ERC2: variants seen among roughly 807,000 people sequenced by gnomAD.
The protein encoded by ERC2 is ELKS/RAB6-interacting/CAST family member 2.
Under a neutral mutation model 114.8 loss-of-function variants are expected in ERC2, and 42 were observed. The observed-to-expected ratio is 0.37, with a 90% CI of 0.29 to 0.47. The LOEUF is 0.47. Ranked by LOEUF, ERC2 falls within the 20% of genes least tolerant of loss-of-function variation. The probability of loss-of-function intolerance (pLI) is 0.99; values close to 1 mark genes in which losing one functional copy is unlikely to be tolerated. For missense variants in ERC2, 939 were observed against 1,150.7 expected, an observed-to-expected ratio of 0.82 and a Z score of 2.66; for synonymous variants, 454 against 425.5, an observed-to-expected ratio of 1.07 and a Z score of -0.82.
In ERC2 at chr3:56,309,604, A is replaced by T. The variant is rs77721117; in HGVS notation, c.658-13169T>A. On this transcript the variant is annotated intron_variant, in intron 2 of 17. Transcript: ENST00000288221. ...TTTGAATCCTGGATCTACCCATGAC[A>T]GCCTGTGATGCCTTGAACAAATTAC... Among the ~76,000 whole-genome samples, 1,393 of 152,330 alleles carry T rather than the reference A, an allele frequency of 9.1e-3. 20 individuals carry two copies. Among genetic ancestry groups the T allele is most frequent in the African/African-American group, 0.031 (1,270 of 41,570 alleles).
intron 14 of ERC2, among the ~76,000 whole-genome samples, chr3:55,822,555 T>C (rs551098475): frequency 4.5e-5 from 6 of 133,722 alleles, no homozygotes; most frequent in Non-Finnish European, 6.2e-5. Context: ...AAGAATTTTT[T>C]TTTCTTTTTT....
chr3:55,746,377 G>A (rs779954631), intron 14 of ERC2, among the ~76,000 whole-genome samples: 1 of 152,034 alleles, frequency 6.6e-6, no homozygotes, highest in African/African-American at 2.4e-5. Context: ...GAGATTACAG[G>A]CATGCACCAC....
intron 8 of ERC2, among the ~76,000 whole-genome samples, chr3:56,015,681 C>T (rs9844887): frequency 0.36 from 53,882 of 151,612 alleles, 10,784 homozygotes; most frequent in African/African-American, 0.53. Context: ...TATGCATGCA[C>T]CTTTATAATA....
chr3:56,153,938 A>G (rs2081562915), intron 4 of ERC2, among the ~76,000 whole-genome samples: 1 of 152,204 alleles, frequency 6.6e-6, no homozygotes, highest in African/African-American at 2.4e-5. Context: ...CAACAAACTT[A>G]GGGCCAATAT....
At chr3:55,601,689 G>A (rs768198710) in intron 17 of ERC2, among the ~76,000 whole-genome samples, 32 of 152,158 alleles carry the variant, frequency 2.1e-4, no homozygotes, top group Non-Finnish European at 3.8e-4. Context: ...CCGGGGAGCC[G>A]GGTGCGGTGG....
At chr3:55,695,660 T>C (rs1430482332) in intron 16 of ERC2, among the ~76,000 whole-genome samples, 1 of 152,196 alleles carries the variant, frequency 6.6e-6, no homozygotes, top group Non-Finnish European at 1.5e-5. Context: ...AGGAAATGAA[T>C]GGAAGAGGCA....
At chr3:56,148,373 C>A (rs2081253366) in intron 5 of ERC2, among the ~76,000 whole-genome samples, 1 of 152,102 alleles carries the variant, frequency 6.6e-6, no homozygotes, top group Non-Finnish European at 1.5e-5. Flanking sequence ...GCAACCTCTA[C>A]CTCCCAGGTT....
At chr3:55,595,210 T>C (rs1315198686) in intron 17 of ERC2, among the ~76,000 whole-genome samples, 9 of 152,240 alleles carry the variant, frequency 5.9e-5, no homozygotes, top group Non-Finnish European at 1.2e-4. Context: ...AGAGAGTTTA[T>C]TAATCCAAAA....
At chr3:55,948,597 G>A (rs2067282390) in intron 13 of ERC2, among the ~76,000 whole-genome samples, 1 of 152,090 alleles carries the variant, frequency 6.6e-6, no homozygotes, top group Admixed American at 6.6e-5. Flanking sequence ...TCCTTTATTT[G>A]GGGTGGTCAG....
At chr3:56,188,822 C>T (rs1017675421) in intron 3 of ERC2, among the ~76,000 whole-genome samples, 2 of 152,102 alleles carry the variant, frequency 1.3e-5, no homozygotes, top group East Asian at 1.9e-4. Context: ...GCCTCCGTGA[C>T]GCAGCTCTGA....
intron 17 of ERC2, among the ~76,000 whole-genome samples, chr3:55,676,494 T>G (rs1306086010): frequency 6.8e-6 from 1 of 147,832 alleles, no homozygotes; most frequent in Non-Finnish European, 1.5e-5. Flanking sequence ...CATTCAGCTT[T>G]TCATATCCCT....
chr3:56,254,934 C>A (rs752672071), intron 3 of ERC2, among the ~76,000 whole-genome samples: 1 of 152,076 alleles, frequency 6.6e-6, no homozygotes, highest in Non-Finnish European at 1.5e-5. Flanking sequence ...TAGCTAATTC[C>A]GGTGAAAAAT....
rs192868219 is a variant in ERC2, at chr3:56,291,346, G to A, written c.1074+4673C>T. On this transcript the variant is annotated intron_variant, in intron 3 of 17. Transcript: ENST00000288221. Reference sequence around the variant, plus strand: ...GGCTCACATTAGCACATCAGTTGGAGTTCCTGCGCAATGGTTTTGGTCTTC... The same window carrying A: ...GGCTCACATTAGCACATCAGTTGGAATTCCTGCGCAATGGTTTTGGTCTTC... 5.9e-5 allele frequency among the ~76,000 whole-genome samples: 9 copies of A among 152,314 alleles called. No individual in the cohort carries two copies. In the East Asian group the frequency reaches 1.7e-3, roughly 29 times the overall value.
At chr3:55,608,791 C>A (rs1243500736) in intron 17 of ERC2, among the ~76,000 whole-genome samples, 1 of 152,164 alleles carries the variant, frequency 6.6e-6, no homozygotes, top group Admixed American at 6.5e-5. Flanking sequence ...ATACGGCAAG[C>A]CAATTACCTC....
intron 3 of ERC2, among the ~76,000 whole-genome samples, chr3:56,219,911 A>T (rs544055041): frequency 8.6e-4 from 131 of 152,356 alleles, no homozygotes; most frequent in Non-Finnish European, 1.8e-3. Context: ...TGGCATTCAT[A>T]AAATACAGAT....
chr3:55,800,051 T>C (rs1394877179), intron 14 of ERC2, among the ~76,000 whole-genome samples: 6 of 152,138 alleles, frequency 3.9e-5, no homozygotes, highest in Non-Finnish European at 8.8e-5. Flanking sequence ...AAGATGGAAA[T>C]GTGATTACTA....
At position 56,408,734 on chromosome 3, in the gene ERC2, G is replaced by A. The variant is rs986976042; in HGVS notation, c.657+25617C>T. On this transcript the variant is annotated intron_variant, in intron 2 of 17. Transcript: ENST00000288221. ...AGAACTAAACGAGGTGGTAAGGTAA[G>A]GGCTGGCAGGCTCCTTCAGACAGCG... Among the ~76,000 whole-genome samples the A allele has an allele frequency of 2.6e-5, 4 of 152,338 alleles. 1 individual carries two copies. In the South Asian group the frequency reaches 8.3e-4, roughly 32 times the overall value.
At chr3:55,661,112 T>C (rs754750593) in intron 17 of ERC2, among the ~76,000 whole-genome samples, 3 of 152,210 alleles carry the variant, frequency 2.0e-5, no homozygotes, top group Non-Finnish European at 4.4e-5. Flanking sequence ...TCTACTGCTA[T>C]CCTAACACAT....
chr3:55,789,869 G>A (rs1278511094), intron 14 of ERC2, among the ~76,000 whole-genome samples: 1 of 152,192 alleles, frequency 6.6e-6, no homozygotes, highest in African/African-American at 2.4e-5. Context: ...TCAATGTGAT[G>A]TGATTTGGCA....
Sources: gnomAD v4.1 joint callset for allele counts (sites outside exome capture counted in the v4.1 genomes callset) on GRCh38, gnomAD v4.1.1 for gene constraint, MANE v1.5 for transcripts, NCBI Gene and HGNC (gene_info 2026-07-23, HGNC 2026-07-21) for gene names.